Variants in UPP1 observed in about 807,000 individuals in gnomAD.
The protein encoded by UPP1 is uridine phosphorylase 1, also known as UPase 1.
UPP1 carries 25 observed loss-of-function variants against 29.6 expected under a neutral mutation model. The observed-to-expected ratio is 0.85, with a 90% CI of 0.62 to 1.18. The LOEUF (loss-of-function observed/expected upper bound fraction) is 1.18. UPP1 is among the 50% of genes most tolerant of loss of function. The pLI, the probability that UPP1 is intolerant of heterozygous loss-of-function variation, is 0.00. For missense variants in UPP1, 368 were observed against 410.4 expected (o/e 0.90, Z 0.89); for synonymous variants, 165 against 159.8 (o/e 1.03, Z -0.25).
At chr7:48,102,571 T>A (rs1489564536) in intron 5 of UPP1, among the ~76,000 whole-genome samples, 1 of 152,180 alleles carries the variant, frequency 6.6e-6, no homozygotes, top group Non-Finnish European at 1.5e-5. Flanking sequence ...GTCAACCAAC[T>A]AGAACATATC....
Position 48,099,788 on chromosome 7 carries a change from G to GT in UPP1, c.162+2dup, listed in dbSNP as rs2044135675. 3 of 1,599,698 alleles carry GT rather than the reference G, an allele frequency of 1.9e-6. No homozygotes were observed. Among genetic ancestry groups the GT allele is most frequent in the Admixed American group, 1.7e-5 (1 of 59,970 alleles). On this transcript the variant is annotated splice_donor_variant, in intron 4 of 8. Transcript: ENST00000395564. LOFTEE classifies it high-confidence loss of function. ...CCCAGCCTTGTTTGGAGATGTGAAG[G>GT]TAAGAGGCCAGGTGTTGACACCTTG...
intron 6 of UPP1, chr7:48,105,280 T>A (rs1257839364): frequency 1.3e-5 from 2 of 152,240 alleles, no homozygotes; most frequent in Non-Finnish European, 2.9e-5. Flanking sequence ...CAAGCTCTCC[T>A]CTAGCTCCAG....
chr7:48,108,489 A>T lies in UPP1; in HGVS notation c.*132A>T, dbSNP rs942960180. ...GAAAATCAGATCGCGATTAAGAGAC[A>T]GAGAATCTTGGATTAACCGCATGGG... On this transcript the variant is annotated 3_prime_UTR_variant, in exon 9 of 9. Coordinates refer to ENST00000395564, the MANE Select transcript of UPP1 (RefSeq NM_003364.4). 9 of 1,139,290 alleles carry T rather than the reference A, an allele frequency of 7.9e-6. No individual in the cohort carries two copies. In the African/African-American group the frequency reaches 1.3e-4, roughly 16 times the overall value. The allele number at this position is 1,139,290 out of a possible 1,614,324, so 70.6% of individuals were successfully genotyped here. A position where few individuals can be genotyped will look rare whatever the true frequency, so the allele number is the denominator to read the frequency against.
chr7:48,089,854 C>A (rs1791727231), intron 1 of UPP1, among the ~76,000 whole-genome samples: 1 of 152,196 alleles, frequency 6.6e-6, no homozygotes, highest in Admixed American at 6.5e-5. Context: ...GTGCGGGAAC[C>A]CCTAGAACTA....
At chr7:48,099,554 TG>T in intron 3 of UPP1, 115 bp from the exon 4 acceptor site, 1 of 717,208 alleles carries the variant, frequency 1.4e-6, no homozygotes, top group East Asian at 2.6e-5. Flanking sequence ...CTCCGGGATC[TG>T]GCCCTGTCTT....
At chr7:48,104,809 A>G (rs968884125) in intron 6 of UPP1, 1 of 152,206 alleles carries the variant, frequency 6.6e-6, no homozygotes, top group East Asian at 1.9e-4. Context: ...TGTGCATAGC[A>G]TGCTGGCCTC....
chr7:48,107,180 A>T, intron 7 of UPP1, 98 bp downstream of exon 7: 2 of 1,487,506 alleles, frequency 1.3e-6, no homozygotes, highest in Non-Finnish European at 1.8e-6. Context: ...TCCACTTGCC[A>T]GGCTGCTGTC....
chr7:48,094,522 C>T lies in UPP1; in HGVS notation c.-21-241C>T, dbSNP rs1185713534. Among the ~76,000 whole-genome samples, 4 of 152,252 alleles carry T rather than the reference C, an allele frequency of 2.6e-5. 1 individual carries two copies. The highest frequency in any genetic ancestry group is 4.4e-5 in the Non-Finnish European group (3 of 68,026). Reference sequence around the variant, plus strand: ...ACAGGTTCTCTGGAGGTGTGAGGTGCCTGTCCACTTAGGCTTTTGGCACAT... The same window carrying T: ...ACAGGTTCTCTGGAGGTGTGAGGTGTCTGTCCACTTAGGCTTTTGGCACAT... On this transcript the variant is annotated intron_variant, in intron 2 of 8. Transcript: ENST00000395564.
At chr7:48,099,834 C>G in intron 4 of UPP1, 47 bp downstream of exon 4, 1 of 1,276,032 alleles carries the variant, frequency 7.8e-7, no homozygotes, top group Non-Finnish European at 1.1e-6. Context: ...TAAGATCAAC[C>G]TCCCCCTATA....
intron 2 of UPP1, among the ~76,000 whole-genome samples, chr7:48,093,866 A>C (rs1203593610): frequency 6.6e-6 from 1 of 152,104 alleles, no homozygotes; most frequent in East Asian, 1.9e-4. Context: ...GATTCTAGAA[A>C]AGTGAGGCAG....
intron 3 of UPP1, among the ~76,000 whole-genome samples, chr7:48,098,051 G>A (rs892661746): frequency 1.3e-5 from 2 of 152,208 alleles, no homozygotes; most frequent in African/African-American, 4.8e-5. Flanking sequence ...GCCTTCCTGA[G>A]CAGGGTTTTC....
chr7:48,103,683 C>A, intron 6 of UPP1: 2 of 1,165,838 alleles, frequency 1.7e-6, no homozygotes, highest in Non-Finnish European at 1.1e-6. Flanking sequence ...ACAATTTGTG[C>A]CTTCTTGTCT....
At position 48,107,393 on chromosome 7, in the gene UPP1, TACACGGAGAAGG is replaced by T; in HGVS notation, c.683_694del (p.Thr228_Asp231del). ...CCGTCTGGATGGGGCTCTCTGCTCC[TACACGGAGAAGG>T]ACAAGCAGGCGTATCTGGAGGCAGC... On this transcript the variant is annotated inframe_deletion, in exon 8 of 9. Transcript: ENST00000395564. 1 of 1,614,052 alleles carries T rather than the reference TACACGGAGAAGG, an allele frequency of 6.2e-7. No individual in the cohort carries two copies. The highest frequency in any genetic ancestry group is 8.5e-7 in the Non-Finnish European group (1 of 1,179,934).
intron 4 of UPP1, 50 bp from the exon 5 acceptor site, chr7:48,101,774 C>A (rs1408448469): frequency 1.9e-6 from 3 of 1,569,618 alleles, no homozygotes; most frequent in East Asian, 2.3e-5. Context: ...CACTTGAGGA[C>A]CTCTGCTATA....
Position 48,103,927 on chromosome 7 carries a change from C to CA in UPP1, c.436+519dup. 3 of 1,270,414 alleles carry CA rather than the reference C, an allele frequency of 2.4e-6. 1 individual carries two copies. The South Asian group carries it at 3.8e-5, about 16-fold the overall frequency. 78.7% of individuals were successfully genotyped at this position (1,270,414 alleles called of 1,614,324 possible). On this transcript the variant is annotated intron_variant, in intron 6 of 8. Transcript: ENST00000395564. ...GGACATTTTTTTTTTGTTTAAAAAA[C>CA]AAAGATGGTTGGCCGGGCGCGGTGG...
In UPP1 at chr7:48,103,414, A is replaced by T. The variant is rs1260559848; in HGVS notation, c.436+3A>T. 1.9e-6 allele frequency: 3 copies of T among 1,612,788 alleles called. No homozygotes were observed. The highest frequency in any genetic ancestry group is 2.2e-5 in the South Asian group (2 of 91,064). ...CATTGGCACTTCTGGTGGGATAGGT[A>T]AGGTCTGCAGAGGGGCCTCTTGCCC... On this transcript the variant is annotated splice_donor_region_variant and intron_variant, in intron 6 of 8. Transcript: ENST00000395564.
At chr7:48,101,082 T>C (rs1792393089) in intron 4 of UPP1, among the ~76,000 whole-genome samples, 1 of 151,908 alleles carries the variant, frequency 6.6e-6, no homozygotes, top group Non-Finnish European at 1.5e-5. Flanking sequence ...AATTTTTGTA[T>C]TTTTTAGTAG....
Position 48,107,414 on chromosome 7 carries a change from G to T in UPP1, c.700G>T (p.Ala234Ser). The T allele has an allele frequency of 1.5e-5, 24 of 1,614,196 alleles. No individual in the cohort carries two copies. Among genetic ancestry groups the T allele is most frequent in the Non-Finnish European group, 2.0e-5 (24 of 1,180,032 alleles). The stretch of plus-strand genomic sequence containing the variant: ...CTCCTACACGGAGAAGGACAAGCAG[G>T]CGTATCTGGAGGCAGCCTATGCAGC... Reference protein sequence around the residue: ...LCSYTEKDKQAYLEAAYAAGV... With the variant: ...LCSYTEKDKQSYLEAAYAAGV... Residue 234 changes from alanine to serine, a missense_variant, in exon 8 of 9, where the codon GCG becomes TCG. Ala to Ser is a moderately conservative substitution (Grantham distance 99). Transcript: ENST00000395564.
At chr7:48,100,946 G>T (rs945572110) in intron 4 of UPP1, among the ~76,000 whole-genome samples, 3 of 150,990 alleles carry the variant, frequency 2.0e-5, no homozygotes, top group Non-Finnish European at 4.4e-5. Context: ...GAGTCTCACT[G>T]CCCAGGCTGG....
Sources: allele counts gnomAD v4.1 joint callset (sites outside exome capture counted in the v4.1 genomes callset), GRCh38; gene constraint gnomAD v4.1.1; transcripts MANE v1.5; gene names NCBI Gene and HGNC (gene_info 2026-07-23, HGNC 2026-07-21).